Variants in PDE6D observed in about 807,000 individuals in gnomAD.
PDE6D encodes the protein retinal rod rhodopsin-sensitive cGMP 3',5'-cyclic phosphodiesterase subunit delta.
PDE6D carries 10 observed loss-of-function variants against 21.9 expected under a neutral mutation model. That is an observed-to-expected ratio of 0.46 (90% CI 0.28 to 0.78). The LOEUF is 0.78. Among genes scored for constraint, PDE6D ranks in the 30% least tolerant of loss-of-function variants. The pLI is 0.12. For missense variants in PDE6D, 139 were observed against 184.8 expected (o/e 0.75, Z 1.44); for synonymous variants, 59 against 63.5 (o/e 0.93, Z 0.34).
At chr2:231,744,287 A>G (rs1243604581) in intron 1 of PDE6D, among the ~76,000 whole-genome samples, 2 of 152,238 alleles carry the variant, frequency 1.3e-5, no homozygotes, top group African/African-American at 4.8e-5. Context: ...GATGTTTTAA[A>G]TTAGTCTTCT....
At chr2:231,766,926 G>A (rs768718965) in intron 1 of PDE6D, among the ~76,000 whole-genome samples, 3 of 151,000 alleles carry the variant, frequency 2.0e-5, no homozygotes, top group Middle Eastern at 3.2e-3. Flanking sequence ...TCCGGGAGGC[G>A]GAGGTTGCAG....
intron 1 of PDE6D, among the ~76,000 whole-genome samples, chr2:231,746,696 G>C (rs935476237): frequency 1.3e-5 from 2 of 152,042 alleles, no homozygotes; most frequent in African/African-American, 4.8e-5. Flanking sequence ...AGAGAAATCA[G>C]GGTAAGAGAA....
chr2:231,740,615 A>G (rs925161038), intron 1 of PDE6D, among the ~76,000 whole-genome samples: 1 of 149,880 alleles, frequency 6.7e-6, no homozygotes, highest in African/African-American at 2.5e-5. Context: ...CACAAAATCA[A>G]TGCTGCAGTG....
intron 3 of PDE6D, chr2:231,737,742 C>T (rs1559308373): frequency 2.5e-6 from 1 of 401,332 alleles, no homozygotes; most frequent in East Asian, 4.4e-5. Flanking sequence ...GCAGCTTCCT[C>T]CATGATCATA....
rs2048727620 is a variant in PDE6D at position 231,739,152 on chromosome 2, C to T, written c.87G>A (p.Lys29=). 1 of 1,613,274 alleles carries T rather than the reference C, an allele frequency of 6.2e-7. No individual in the cohort carries two copies. The highest frequency in any genetic ancestry group is 8.5e-7 in the Non-Finnish European group (1 of 1,179,270). Residue 29 remains lysine, a synonymous_variant, in exon 2 of 5, where the codon AAG becomes AAA. Transcript: ENST00000287600. The surrounding 1 kb of genome is among the most constrained non-coding windows in gnomAD (Gnocchi z 4.2). ...WMNLRDAETG[K]ILWQGTEDLS... Reference sequence around the variant, plus strand: ...GGTCTTCTGTTCCTTGCCAGAGTATCTTCCCTGTCTCAGCATCCCGAAGGT... The same window carrying T: ...GGTCTTCTGTTCCTTGCCAGAGTATTTTCCCTGTCTCAGCATCCCGAAGGT...
At chr2:231,766,051 C>T (rs1174588878) in intron 1 of PDE6D, among the ~76,000 whole-genome samples, 1 of 152,210 alleles carries the variant, frequency 6.6e-6, no homozygotes, top group African/African-American at 2.4e-5. Context: ...ATTTCTCCAC[C>T]CAATAATTTC....
At chr2:231,763,802 A>T (rs556310942) in intron 1 of PDE6D, among the ~76,000 whole-genome samples, 1 of 151,494 alleles carries the variant, frequency 6.6e-6, no homozygotes, top group East Asian at 2.0e-4. Context: ...TGCCTGGATA[A>T]TTTTTAATTT....
chr2:231,745,239 A>C (rs946765652), intron 1 of PDE6D, among the ~76,000 whole-genome samples: 1 of 152,178 alleles, frequency 6.6e-6, no homozygotes, highest in Non-Finnish European at 1.5e-5. Context: ...CACAAAAAAA[A>C]CCGAGGAAAC....
intron 1 of PDE6D, among the ~76,000 whole-genome samples, chr2:231,769,217 A>G (rs10175192): frequency 0.024 from 3,648 of 152,270 alleles, 148 homozygotes; most frequent in African/African-American, 0.084. Flanking sequence ...TATGCCACGT[A>G]CAGATTCTGT....
At chr2:231,733,178 C>A (rs537782306) in intron 4 of PDE6D, 145 bp from the exon 5 acceptor site, 1 of 634,892 alleles carries the variant, frequency 1.6e-6, no homozygotes, top group Non-Finnish European at 2.9e-6. Context: ...CATTAAAATC[C>A]TTGTCTATAT....
chr2:231,740,404 T>A (rs988648764), intron 1 of PDE6D, among the ~76,000 whole-genome samples: 1 of 152,122 alleles, frequency 6.6e-6, no homozygotes, highest in Non-Finnish European at 1.5e-5. Context: ...GAGAGCAGGC[T>A]GAGTGTGGTG....
intron 1 of PDE6D, chr2:231,768,589 T>C (rs1311137124): frequency 6.6e-6 from 1 of 152,108 alleles, no homozygotes; most frequent in Non-Finnish European, 1.5e-5. Flanking sequence ...GGTTTCACCA[T>C]GTTGAAACCA....
chr2:231,743,917 C>A (rs939075186), intron 1 of PDE6D, among the ~76,000 whole-genome samples: 18 of 152,318 alleles, frequency 1.2e-4, no homozygotes, highest in African/African-American at 4.3e-4. Flanking sequence ...CTGTCCCAGG[C>A]AGCTAAGCCC....
chr2:231,768,050 T>C lies in PDE6D; in HGVS notation c.50+13015A>G, dbSNP rs187368135. 5.0e-3 allele frequency among the ~76,000 whole-genome samples: 756 copies of C among 152,000 alleles called. 3 individuals are homozygous for C. The highest frequency in any genetic ancestry group is 8.7e-3 in the Non-Finnish European group (593 of 67,934). ...TGGTAGAGGCAGGGTTTCACCATGT[T>C]CCCAGGCTGGTCTCAAACTCCTGAG... On this transcript the variant is annotated intron_variant, in intron 1 of 4. Coordinates refer to ENST00000287600, the MANE Select transcript of PDE6D (RefSeq NM_002601.4).
At chr2:231,776,807 T>G (rs114713157) in intron 1 of PDE6D, among the ~76,000 whole-genome samples, 1 of 152,164 alleles carries the variant, frequency 6.6e-6, no homozygotes, top group East Asian at 1.9e-4. Flanking sequence ...TCCAAAATAT[T>G]TGCAGGAGAA....
chr2:231,752,332 C>A (rs888228828), intron 1 of PDE6D, among the ~76,000 whole-genome samples: 4 of 152,178 alleles, frequency 2.6e-5, no homozygotes, highest in African/African-American at 9.7e-5. Context: ...AGTCATTTAA[C>A]CTGCCTGAGA....
intron 1 of PDE6D, among the ~76,000 whole-genome samples, chr2:231,752,059 T>C (rs2048844045): frequency 6.6e-6 from 1 of 152,246 alleles, no homozygotes; most frequent in Admixed American, 6.5e-5. Context: ...CTTTTTTTAA[T>C]CAAATGACTG....
chr2:231,733,070 T>A (rs770098446), intron 4 of PDE6D, 37 bp from the exon 5 acceptor site: 76 of 1,355,696 alleles, frequency 5.6e-5, no homozygotes, highest in Non-Finnish European at 7.4e-6. Flanking sequence ...CAAAAGAGAG[T>A]GAGCATGTTA....
At chr2:231,753,328 CCTGG>C (rs1334718026) in intron 1 of PDE6D, among the ~76,000 whole-genome samples, 2 of 150,920 alleles carry the variant, frequency 1.3e-5, no homozygotes, top group Non-Finnish European at 3.0e-5. Context: ...TCAAGACCAT[CCTGG>C]CTAACACAGT....
Sources: allele counts gnomAD v4.1 joint callset (sites outside exome capture counted in the v4.1 genomes callset), GRCh38; gene constraint gnomAD v4.1.1; non-coding constraint Gnocchi (gnomAD v3.1); transcripts MANE v1.5; gene names NCBI Gene and HGNC (gene_info 2026-07-23, HGNC 2026-07-21).